The following KDM6A variants were observed in gnomAD, a reference collection of about 807,000 sequenced individuals.
KDM6A encodes the protein lysine demethylase 6A.
KDM6A carries 11 observed loss-of-function variants against 117.6 expected under a neutral mutation model. That is an observed-to-expected ratio of 0.09 (90% CI 0.06 to 0.15). The LOEUF (loss-of-function observed/expected upper bound fraction) is 0.15. Among genes scored for constraint, KDM6A ranks in the 10% least tolerant of loss-of-function variants. KDM6A has a pLI of 1.00. For synonymous variants in KDM6A, 384 were observed against 396.1 expected, an observed-to-expected ratio of 0.97 and a Z score of 0.36; for missense variants, 799 against 1,077.3, an observed-to-expected ratio of 0.74 and a Z score of 3.62.
intron 28 of KDM6A, among the ~76,000 whole-genome samples, chrX:45,108,098 A>G (rs746904001): frequency 6.2e-4 from 69 of 111,670 alleles, no homozygotes; most frequent in African/African-American, 2.2e-3. Flanking sequence ...GAGGGGGAAA[A>G]TGACCTAATT....
intron 2 of KDM6A, among the ~76,000 whole-genome samples, chrX:44,903,012 T>C (rs758521664): frequency 6.2e-5 from 7 of 112,014 alleles, no homozygotes; most frequent in African/African-American, 2.3e-4. Context: ...CTCTTAATGC[T>C]ATCACATTGG....
At chrX:45,105,062 C>CCAAGG (rs1287678167) in intron 27 of KDM6A, among the ~76,000 whole-genome samples, 1 of 111,397 alleles carries the variant, frequency 9.0e-6, no homozygotes, top group African/African-American at 3.3e-5. Flanking sequence ...CTCCATAGAA[C>CCAAGG]CAAGGCTCTG....
Position 45,005,444 on chromosome X carries a change from C to A in KDM6A, c.385-5517C>A, listed in dbSNP as rs1321837526. 1.2e-4 allele frequency among the ~76,000 whole-genome samples: 13 copies of A among 111,287 alleles called. No homozygotes were observed. The Admixed American group carries it at 1.2e-3, about 11-fold the overall frequency. On this transcript the variant is annotated intron_variant, in intron 4 of 29. Coordinates refer to ENST00000611820, the MANE Select transcript of KDM6A (RefSeq NM_001291415.2). Reference sequence around the variant, plus strand: ...GAAAAAGGAGGGCAGGTCCATGCCTCCAACAGAGGGCATAGCCTAGTTCTT... The same window carrying A: ...GAAAAAGGAGGGCAGGTCCATGCCTACAACAGAGGGCATAGCCTAGTTCTT...
chrX:44,986,667 T>C lies in KDM6A; in HGVS notation c.384+11952T>C, dbSNP rs200553402. Among the ~76,000 whole-genome samples, 4 of 112,133 alleles carry C rather than the reference T, an allele frequency of 3.6e-5. No individual in the cohort carries two copies. The East Asian group carries it at 1.1e-3, about 31-fold the overall frequency. On this transcript the variant is annotated intron_variant, in intron 4 of 29. Transcript: ENST00000611820. ...TTATTTCTGCCTTCATTTCATTATG[T>C]ACCCAGTAGTCATTCAGGAGCAGGT...
At chrX:45,042,843 G>A (rs768520451) in intron 8 of KDM6A, among the ~76,000 whole-genome samples, 2 of 112,041 alleles carry the variant, frequency 1.8e-5, no homozygotes, top group African/African-American at 6.5e-5. Flanking sequence ...CATAATCCCC[G>A]AGGGCCCTGT....
At chrX:45,059,640 A>T (rs1444236434) in intron 12 of KDM6A, among the ~76,000 whole-genome samples, 174 bp downstream of exon 12, 3 of 112,204 alleles carry the variant, frequency 2.7e-5, no homozygotes, top group Non-Finnish European at 5.6e-5. Flanking sequence ...TTTAAGTAAG[A>T]TATGCAGTAT....
chrX:45,014,496 G>A (rs531515669), intron 5 of KDM6A, among the ~76,000 whole-genome samples: 3 of 111,888 alleles, frequency 2.7e-5, no homozygotes, highest in African/African-American at 9.7e-5. Context: ...GAAGCAGAGT[G>A]TAAAATATAT....
intron 27 of KDM6A, among the ~76,000 whole-genome samples, chrX:45,105,810 C>T (rs1017157738): frequency 1.8e-5 from 2 of 112,266 alleles, no homozygotes; most frequent in African/African-American, 6.5e-5. Context: ...CCGAGCTGCA[C>T]AGCAGGAGGT....
intron 4 of KDM6A, among the ~76,000 whole-genome samples, chrX:44,991,696 G>A (rs1160943491): frequency 9.0e-6 from 1 of 111,640 alleles, no homozygotes; most frequent in African/African-American, 3.2e-5. Flanking sequence ...TGTTGTTGTT[G>A]TTGTTTTGAG....
chrX:45,029,905 T>C (rs2042536983), intron 6 of KDM6A, among the ~76,000 whole-genome samples: 1 of 111,278 alleles, frequency 9.0e-6, no homozygotes, highest in African/African-American at 3.3e-5. Flanking sequence ...GTTGGAAGAC[T>C]AGGTAGGATA....
chrX:45,037,728 A>G, intron 8 of KDM6A, 39 bp downstream of exon 8: 2 of 1,047,041 alleles, frequency 1.9e-6, no homozygotes, highest in Non-Finnish European at 2.7e-6. Context: ...ACAAAAGCAA[A>G]CAAAAATCAT....
At chrX:44,879,309 T>C (rs2032015842) in intron 2 of KDM6A, among the ~76,000 whole-genome samples, 1 of 112,405 alleles carries the variant, frequency 8.9e-6, no homozygotes, top group South Asian at 3.6e-4. Flanking sequence ...GCATTATTAA[T>C]AATATTTTTG....
intron 2 of KDM6A, among the ~76,000 whole-genome samples, chrX:44,877,644 T>C (rs1380531666): frequency 1.8e-5 from 2 of 109,832 alleles, no homozygotes; most frequent in African/African-American, 3.3e-5. Context: ...AGTATAGTTA[T>C]AGTAATAATG....
At chrX:45,013,042 TATAGAATTC>T (rs1189887554) in intron 5 of KDM6A, among the ~76,000 whole-genome samples, 1 of 112,093 alleles carries the variant, frequency 8.9e-6, no homozygotes, top group Non-Finnish European at 1.9e-5. Flanking sequence ...ATAGCCTACT[TATAGAATTC>T]AAATTCTAAA....
chrX:45,111,588 G>C lies in KDM6A; in HGVS notation c.*177G>C, dbSNP rs2046770145. ...GGGAGAGAGTACTGCTCCTACTCCA[G>C]GACTCTCACAAAGCTGATGAGCTGT... On this transcript the variant is annotated 3_prime_UTR_variant, in exon 30 of 30. Coordinates refer to ENST00000611820, the MANE Select transcript of KDM6A (RefSeq NM_001291415.2). The C allele has an allele frequency of 2.3e-6, 1 of 444,397 alleles. No individual in the cohort carries two copies. The highest frequency in any genetic ancestry group is 2.5e-5 in the African/African-American group (1 of 40,332). The allele number at this position is 444,397 out of a possible 1,213,427, so 36.6% of individuals were successfully genotyped here. A position where few individuals can be genotyped will look rare whatever the true frequency, so the allele number is the denominator to read the frequency against.
Position 45,089,882 on chromosome X carries a change from G to T in KDM6A, c.3844G>T (p.Ala1282Ser). ...TGCAGGCACTGTTCATTGGGTTCAG[G>T]CTATTGGCTGGTGCAACAACATTGC... is the stretch of plus-strand genomic sequence containing the variant. ...INAGTVHWVQ[A>S]IGWCNNIAWN... Residue 1282 changes from alanine (A) to serine (S), a missense_variant, in exon 26 of 30, where the codon GCT becomes TCT. By Grantham distance (99) the Ala-to-Ser change is moderately conservative. Around this residue, in one of 8 missense-constraint regions of KDM6A, gnomAD observed 291 missense variants for 437.9 expected, o/e 0.66. Coordinates refer to ENST00000611820, the MANE Select transcript of KDM6A (RefSeq NM_001291415.2). The T allele has an allele frequency of 1.7e-6, 2 of 1,210,705 alleles. No homozygotes were observed. Among genetic ancestry groups the T allele is most frequent in the Non-Finnish European group, 2.2e-6 (2 of 895,059 alleles).
intron 16 of KDM6A, 150 bp from the exon 17 acceptor site, chrX:45,063,272 A>G: frequency 1.9e-6 from 1 of 526,620 alleles, no homozygotes; most frequent in Non-Finnish European, 3.2e-6. Context: ...GTATTTCTCA[A>G]CTTAGAGAAA....
At chrX:45,081,303 CTA>C (rs2045391502) in intron 21 of KDM6A, among the ~76,000 whole-genome samples, 1 of 111,885 alleles carries the variant, frequency 8.9e-6, no homozygotes, top group African/African-American at 3.2e-5. Context: ...TGTTCAGACA[CTA>C]TACATTTAAA....
At chrX:45,082,481 A>G (rs1446357751) in intron 21 of KDM6A, 95 bp from the exon 22 acceptor site, 3 of 576,982 alleles carry the variant, frequency 5.2e-6, no homozygotes, top group Non-Finnish European at 8.9e-6. Flanking sequence ...AAATAATACT[A>G]TTCAATCTAG....
Sources: gnomAD v4.1 joint callset for allele counts (sites outside exome capture counted in the v4.1 genomes callset) on GRCh38, gnomAD v4.1.1 for gene constraint, gnomAD v4.1.1 regional missense constraint, MANE v1.5 for transcripts, NCBI Gene and HGNC (gene_info 2026-07-23, HGNC 2026-07-21) for gene names.